Variants in LRP12 observed in about 807,000 individuals in gnomAD.
LRP12 encodes the protein low-density lipoprotein receptor-related protein 12.
In LRP12, 14 loss-of-function variants were observed where a neutral mutation model predicts 66.0. The ratio of observed to expected loss-of-function variants is 0.21; its 90% CI spans 0.14 to 0.33. The LOEUF (loss-of-function observed/expected upper bound fraction) is 0.33. Among genes scored for constraint, LRP12 ranks in the 10% least tolerant of loss-of-function variants. The pLI, the probability that LRP12 is intolerant of heterozygous loss-of-function variation, is 1.00. For missense variants in LRP12, 889 were observed against 1,053.4 expected, an observed-to-expected ratio of 0.84 and a Z score of 2.16; for synonymous variants, 357 against 359.1, an observed-to-expected ratio of 0.99 and a Z score of 0.07.
At chr8:104,529,888 T>G (rs1811300300) in intron 2 of LRP12, among the ~76,000 whole-genome samples, 1 of 152,176 alleles carries the variant, frequency 6.6e-6, no homozygotes, top group African/African-American at 2.4e-5. Flanking sequence ...AAAAGGCTAT[T>G]AAAATATTCC....
chr8:104,568,903 GT>G (rs936031385), intron 1 of LRP12, among the ~76,000 whole-genome samples: 11 of 152,126 alleles, frequency 7.2e-5, no homozygotes, highest in African/African-American at 2.7e-4. Context: ...TACTATATGA[GT>G]CAGTAATTCC....
intron 1 of LRP12, among the ~76,000 whole-genome samples, chr8:104,532,456 A>G (rs1811338933): frequency 6.6e-6 from 1 of 152,024 alleles, no homozygotes; most frequent in Admixed American, 6.6e-5. Flanking sequence ...AATTCTAACA[A>G]TCTTAAGTAT....
At chr8:104,581,717 G>GAGCTAAGACTAT (rs1364093427) in intron 1 of LRP12, among the ~76,000 whole-genome samples, 1 of 152,076 alleles carries the variant, frequency 6.6e-6, no homozygotes, top group East Asian at 1.9e-4. Flanking sequence ...GCTAAGACTA[G>GAGCTAAGACTAT]TTGGTGGCTG....
chr8:104,492,628 C>A (rs932865571), intron 6 of LRP12, among the ~76,000 whole-genome samples: 57 of 152,194 alleles, frequency 3.7e-4, no homozygotes, highest in African/African-American at 1.3e-3. Context: ...TTCTGTATCT[C>A]TTTGTGACTG....
At chr8:104,522,519 A>C (rs913571756) in intron 2 of LRP12, among the ~76,000 whole-genome samples, 1 of 152,118 alleles carries the variant, frequency 6.6e-6, no homozygotes, top group Non-Finnish European at 1.5e-5. Flanking sequence ...GAAATGTCAG[A>C]TTTGCCTGAC....
intron 1 of LRP12, among the ~76,000 whole-genome samples, chr8:104,541,585 C>A (rs1266241046): frequency 6.6e-6 from 1 of 152,178 alleles, no homozygotes; most frequent in Non-Finnish European, 1.5e-5. Context: ...GTACAACCAT[C>A]ACCACCACCA....
intron 1 of LRP12, among the ~76,000 whole-genome samples, chr8:104,543,816 G>C (rs1440822858): frequency 6.6e-6 from 1 of 152,128 alleles, no homozygotes; most frequent in Non-Finnish European, 1.5e-5. Context: ...CAGCTACTTG[G>C]GAGGGAGAGG....
At chr8:104,514,853 A>G (rs536357931) in intron 2 of LRP12, among the ~76,000 whole-genome samples, 2 of 152,348 alleles carry the variant, frequency 1.3e-5, no homozygotes, top group Middle Eastern at 3.4e-3. Flanking sequence ...TCAGTAAACA[A>G]TATTACATGA....
At chr8:104,548,066 A>ATATATAATTCTGTTATATTATATTTTG (rs1477804821) in intron 1 of LRP12, among the ~76,000 whole-genome samples, 6 of 119,650 alleles carry the variant, frequency 5.0e-5, no homozygotes, top group Middle Eastern at 0.012. Context: ...TTTGTATATA[A>ATATATAATTCTGTTATATTATATTTTG]TATATAATTC....
At chr8:104,538,975 T>A (rs1811427243) in intron 1 of LRP12, among the ~76,000 whole-genome samples, 1 of 152,174 alleles carries the variant, frequency 6.6e-6, no homozygotes, top group Non-Finnish European at 1.5e-5. Flanking sequence ...AGGACCATTT[T>A]AAATCATATT....
chr8:104,552,573 C>G (rs181386740), intron 1 of LRP12, among the ~76,000 whole-genome samples: 46 of 152,040 alleles, frequency 3.0e-4, no homozygotes, highest in Non-Finnish European at 5.0e-4. Context: ...CTTAAGTCAT[C>G]TCATAGCTTA....
chr8:104,576,247 T>C, intron 1 of LRP12, among the ~76,000 whole-genome samples: 1 of 152,090 alleles, frequency 6.6e-6, no homozygotes, highest in East Asian at 1.9e-4. Context: ...GAAGCCAACG[T>C]TCAAATTGAG....
intron 1 of LRP12, among the ~76,000 whole-genome samples, chr8:104,546,757 T>G (rs1227357270): frequency 1.3e-5 from 2 of 151,632 alleles, no homozygotes; most frequent in Non-Finnish European, 2.9e-5. Context: ...GAGCTGGATC[T>G]GTGGCTGACC....
At chr8:104,578,764 T>G (rs1260424610) in intron 1 of LRP12, among the ~76,000 whole-genome samples, 2 of 152,090 alleles carry the variant, frequency 1.3e-5, no homozygotes, top group Non-Finnish European at 2.9e-5. Context: ...GATGCAAGGT[T>G]GATTCAACAT....
intron 2 of LRP12, among the ~76,000 whole-genome samples, chr8:104,516,761 G>C (rs1445029299): frequency 6.6e-6 from 1 of 152,010 alleles, no homozygotes; most frequent in African/African-American, 2.4e-5. Context: ...ATGAAAGAGG[G>C]AGGATCACTT....
chr8:104,495,982 G>A (rs574375556), intron 5 of LRP12: 1 of 151,436 alleles, frequency 6.6e-6, no homozygotes, highest in Non-Finnish European at 1.5e-5. Flanking sequence ...TGGTTATTAC[G>A]ATACTGTGCA....
At chr8:104,541,348 CA>C (rs1242862068) in intron 1 of LRP12, among the ~76,000 whole-genome samples, 8 of 152,044 alleles carry the variant, frequency 5.3e-5, no homozygotes, top group African/African-American at 1.4e-4. Context: ...AAAGAGCTCA[CA>C]ACATAAACTG....
chr8:104,525,907 C>A (rs751983489), intron 2 of LRP12, among the ~76,000 whole-genome samples: 2 of 152,030 alleles, frequency 1.3e-5, no homozygotes, highest in South Asian at 4.2e-4. Flanking sequence ...TGTTTGCAGA[C>A]GACATGATTG....
rs1812392669 is a variant in LRP12 at position 104,589,048 on chromosome 8, G to C, written c.-151C>G. On this transcript the variant is annotated 5_prime_UTR_variant, in exon 1 of 7. Transcript: ENST00000276654. ...CTCCGCGGCTGCGGGAGGGGGAAGG[G>C]AGGGGCCGCCGCCGCCCGCGCGCGC... is the stretch of plus-strand genomic sequence containing the variant. The C allele has an allele frequency of 2.6e-6, 1 of 386,498 alleles. No individual in the cohort carries two copies. The highest frequency in any genetic ancestry group is 5.7e-5 in the East Asian group (1 of 17,698). 23.9% of individuals were successfully genotyped at this position (386,498 alleles called of 1,614,324 possible).
Sources: gnomAD v4.1 joint callset for allele counts (sites outside exome capture counted in the v4.1 genomes callset) on GRCh38, gnomAD v4.1.1 for gene constraint, MANE v1.5 for transcripts, NCBI Gene and HGNC (gene_info 2026-07-23, HGNC 2026-07-21) for gene names.